The following TSPAN11 variants were observed in gnomAD, a reference collection of about 807,000 sequenced individuals.
The protein encoded by TSPAN11 is tetraspanin-11.
TSPAN11 carries 29 observed loss-of-function variants against 32.9 expected under a neutral mutation model. That is an observed-to-expected ratio of 0.88 (90% CI 0.66 to 1.20). The LOEUF is 1.20. Among genes scored for constraint, TSPAN11 ranks in the 50% most tolerant of loss-of-function variants. TSPAN11 has a pLI of 0.00. For missense variants in TSPAN11, 283 were observed against 329.1 expected, an observed-to-expected ratio of 0.86 and a Z score of 1.08; for synonymous variants, 140 against 141.3, an observed-to-expected ratio of 0.99 and a Z score of 0.07.
chr12:31,011,877 T>A, the TSPAN11 span, among the ~76,000 whole-genome samples: 2 of 152,200 alleles, frequency 1.3e-5, no homozygotes, highest in Non-Finnish European at 2.9e-5. Flanking sequence ...GTTGGGCTCC[T>A]TTTTCAGTTG....
At position 30,957,741 on chromosome 12, in the gene TSPAN11, C is replaced by T. The variant is rs60224268; in HGVS notation, c.84+3666C>T. On this transcript the variant is annotated intron_variant, in intron 2 of 7. Coordinates refer to ENST00000546076, the MANE Select transcript of TSPAN11 (RefSeq NM_001370302.1). ...CTTCCTTCCTTCCCTCCTTCCCTCC[C>T]TCCCTCCCTCCTTCCTTCCTTCCTT... Among the ~76,000 whole-genome samples, 124 of 46,746 alleles carry T rather than the reference C, an allele frequency of 2.7e-3. 3 individuals are homozygous for T. The highest frequency in any genetic ancestry group is 7.2e-3 in the East Asian group (7 of 974). 30.7% of individuals were successfully genotyped at this position (46,746 alleles called of 152,430 possible).
intron 1 of TSPAN11, among the ~76,000 whole-genome samples, chr12:30,932,430 A>G (rs1294466530): frequency 1.3e-5 from 2 of 152,226 alleles, no homozygotes; most frequent in Admixed American, 1.3e-4. Flanking sequence ...TTACCAGAGC[A>G]GTGTCATTGC....
intron 5 of TSPAN11, among the ~76,000 whole-genome samples, chr12:30,980,968 A>G (rs2140305253): frequency 6.6e-6 from 1 of 152,270 alleles, no homozygotes; most frequent in African/African-American, 2.4e-5. Flanking sequence ...GGCGATGTGC[A>G]TGCAGTGCAA....
chr12:30,991,249 T>C (rs1939306978), intron 7 of TSPAN11, among the ~76,000 whole-genome samples: 2 of 152,300 alleles, frequency 1.3e-5, no homozygotes, highest in Admixed American at 1.3e-4. Flanking sequence ...TATTCTATGC[T>C]GACTGACAGG....
At chr12:31,001,650 C>T in the TSPAN11 span, among the ~76,000 whole-genome samples, 23 of 152,236 alleles carry the variant, frequency 1.5e-4, no homozygotes, top group Non-Finnish European at 2.2e-4. Flanking sequence ...TGCCACAGCT[C>T]GTAAGCCACC....
At position 30,992,571 on chromosome 12, in the gene TSPAN11, A is replaced by G. The variant is rs947602821; in HGVS notation, c.*656A>G. On this transcript the variant is annotated 3_prime_UTR_variant, in exon 8 of 8. Transcript: ENST00000546076. ...AAGCAGGGGGTAAGGTGGCCATACC[A>G]GCACATGCTGCACTAGGAGCAGAGC... 6.4e-6 allele frequency: 1 copy of G among 156,056 alleles called. No individual in the cohort carries two copies. Among genetic ancestry groups the G allele is most frequent in the Non-Finnish European group, 1.4e-5 (1 of 70,216 alleles). 9.7% of individuals were successfully genotyped at this position (156,056 alleles called of 1,614,324 possible).
chr12:30,976,008 C>G (rs1044267742), intron 3 of TSPAN11, among the ~76,000 whole-genome samples: 1 of 152,124 alleles, frequency 6.6e-6, no homozygotes, highest in South Asian at 2.1e-4. Flanking sequence ...AGAAAGGAGC[C>G]GCAGGGCCCA....
intron 4 of TSPAN11, 188 bp downstream of exon 4, chr12:30,978,823 C>T: frequency 1.7e-6 from 1 of 596,232 alleles, no homozygotes; most frequent in Non-Finnish European, 3.0e-6. Flanking sequence ...TTCTGTGCTG[C>T]ATCTGTGGAT....
chr12:30,969,920 G>A (rs1167464800), intron 3 of TSPAN11, among the ~76,000 whole-genome samples: 2 of 152,166 alleles, frequency 1.3e-5, no homozygotes, highest in African/African-American at 4.8e-5. Context: ...GTTTAAATTT[G>A]TATTGGATTT....
chr12:30,936,306 C>A (rs1938043928), intron 1 of TSPAN11, among the ~76,000 whole-genome samples: 1 of 152,200 alleles, frequency 6.6e-6, no homozygotes. Context: ...TCTGTCTTCC[C>A]AGCTGTGAGC....
chr12:31,015,971 G>A, the TSPAN11 span, among the ~76,000 whole-genome samples: 2 of 152,084 alleles, frequency 1.3e-5, no homozygotes, highest in African/African-American at 4.8e-5. The surrounding 1 kb of genome is among the most constrained non-coding windows in gnomAD (Gnocchi z 4.9). Context: ...CTTCACCTCT[G>A]CAGGCAGCTC....
chr12:30,933,437 C>A (rs1937975657), intron 1 of TSPAN11, among the ~76,000 whole-genome samples: 2 of 152,224 alleles, frequency 1.3e-5, no homozygotes. Context: ...ACAGCCCAAC[C>A]CCTAAACCAA....
At chr12:31,010,018 G>T in the TSPAN11 span, among the ~76,000 whole-genome samples, 14 of 152,206 alleles carry the variant, frequency 9.2e-5, no homozygotes, top group Non-Finnish European at 2.1e-4. Flanking sequence ...GAGGCTAAGT[G>T]ACTTGCCCGC....
chr12:30,955,117 A>G (rs998304920), intron 2 of TSPAN11: 1 of 152,250 alleles, frequency 6.6e-6, no homozygotes, highest in Non-Finnish European at 1.5e-5. Flanking sequence ...ATGGGTAGAC[A>G]TGGCAAGGCA....
chr12:31,003,093 A>C, the TSPAN11 span, among the ~76,000 whole-genome samples: 1 of 152,326 alleles, frequency 6.6e-6, no homozygotes, highest in African/African-American at 2.4e-5. Flanking sequence ...TTCTGAGACA[A>C]GTTTGTAAAT....
chr12:30,974,730 A>G (rs538982412), intron 3 of TSPAN11, among the ~76,000 whole-genome samples: 1 of 152,338 alleles, frequency 6.6e-6, no homozygotes, highest in Admixed American at 6.5e-5. Context: ...CAGAGTGGTA[A>G]CACCTGAAGC....
At chr12:30,966,476 G>A (rs757381048) in intron 3 of TSPAN11, among the ~76,000 whole-genome samples, 17 of 152,234 alleles carry the variant, frequency 1.1e-4, no homozygotes, top group Non-Finnish European at 1.9e-4. Context: ...CCAAGCCCAC[G>A]CTCTGACCCA....
chr12:30,981,993 C>A (rs1370129619), intron 5 of TSPAN11, among the ~76,000 whole-genome samples: 1 of 152,178 alleles, frequency 6.6e-6, no homozygotes, highest in South Asian at 2.1e-4. Context: ...GTACAGATGA[C>A]CCCAGGTCTT....
chr12:30,957,642 TC>T (rs1938511455), intron 2 of TSPAN11, among the ~76,000 whole-genome samples: 1 of 38,528 alleles, frequency 2.6e-5, no homozygotes. Flanking sequence ...CCTCCCTCCC[TC>T]CCTCCCTCCC....
Sources: gnomAD v4.1 joint callset for allele counts (sites outside exome capture counted in the v4.1 genomes callset) on GRCh38, gnomAD v4.1.1 for gene constraint, Gnocchi (gnomAD v3.1) non-coding constraint, MANE v1.5 for transcripts, NCBI Gene and HGNC (gene_info 2026-07-23, HGNC 2026-07-21) for gene names.